The following CNTLN variants were observed in gnomAD, a reference collection of about 807,000 sequenced individuals.
CNTLN encodes the protein centlein, also known as centlein, centrosomal protein.
Under a neutral mutation model 180.0 loss-of-function variants are expected in CNTLN, and 212 were observed. The ratio of observed to expected loss-of-function variants is 1.18; its 90% confidence interval spans 1.05 to 1.32. The LOEUF (loss-of-function observed/expected upper bound fraction) is 1.32. CNTLN is among the 40% of genes most tolerant of loss of function. The pLI, the probability that CNTLN is intolerant of heterozygous loss-of-function variation, is 0.00. For missense variants in CNTLN, 2,095 were observed against 1,610.9 expected, an observed-to-expected ratio of 1.30 and a Z score of -5.14; for synonymous variants, 722 against 563.1, an observed-to-expected ratio of 1.28 and a Z score of -3.99.
chr9:17,197,461 T>G (rs1822207966), intron 2 of CNTLN, among the ~76,000 whole-genome samples: 1 of 152,178 alleles, frequency 6.6e-6, no homozygotes, highest in South Asian at 2.1e-4. Context: ...AGTGTGCAGT[T>G]TTGTTACATA....
intron 23 of CNTLN, among the ~76,000 whole-genome samples, chr9:17,476,336 A>C (rs1339436243): frequency 6.6e-6 from 1 of 152,184 alleles, no homozygotes; most frequent in African/African-American, 2.4e-5. Flanking sequence ...AGTTAGGCCA[A>C]CTAATAATTC....
At chr9:17,159,628 A>G (rs1400929386) in intron 2 of CNTLN, among the ~76,000 whole-genome samples, 1 of 152,150 alleles carries the variant, frequency 6.6e-6, no homozygotes, top group Non-Finnish European at 1.5e-5. Flanking sequence ...ACAGGATGAG[A>G]ATTGCTGATA....
chr9:17,250,444 T>C (rs916179652), intron 5 of CNTLN, among the ~76,000 whole-genome samples: 4 of 152,072 alleles, frequency 2.6e-5, no homozygotes, highest in African/African-American at 7.2e-5. Context: ...TCCTCTGTTA[T>C]TGCTTTCCTT....
chr9:17,204,278 T>C (rs1344099244), intron 2 of CNTLN, among the ~76,000 whole-genome samples: 2 of 152,234 alleles, frequency 1.3e-5, no homozygotes, highest in Non-Finnish European at 2.9e-5. Flanking sequence ...CCCTGTTTTT[T>C]CCTCATCTCC....
intron 10 of CNTLN, among the ~76,000 whole-genome samples, chr9:17,336,346 C>A (rs1444779513): frequency 1.3e-5 from 2 of 152,004 alleles, no homozygotes; most frequent in African/African-American, 4.8e-5. Context: ...TATTCTGGCG[C>A]CATTAAAATG....
At chr9:17,308,989 C>CACACACAG in intron 7 of CNTLN, 69 bp from the exon 8 acceptor site, 1 of 1,062,272 alleles carries the variant, frequency 9.4e-7, no homozygotes, top group Non-Finnish European at 1.3e-6. Context: ...TACACACACA[C>CACACACAG]ACACACAGAC....
rs116188260 is a variant in CNTLN at position 17,260,784 on chromosome 9, G to T, written c.850-12949G>T. On this transcript the variant is annotated intron_variant, in intron 5 of 25. Transcript: ENST00000380647. ...CAGTTCCTGTGTCCAGAATGGTATT[G>T]CCTAGGTGGTCTTCAAAGGTTTTTT... 5.3e-3 allele frequency among the ~76,000 whole-genome samples: 795 copies of T among 151,424 alleles called. 37 individuals are homozygous for T. Among genetic ancestry groups the T allele is most frequent in the African/African-American group, 0.018 (741 of 40,906 alleles).
rs540806664 is a variant in CNTLN at position 17,367,671 on chromosome 9, G to C, written c.1987+954G>C. On this transcript the variant is annotated intron_variant, in intron 13 of 25. Transcript: ENST00000380647. The stretch of plus-strand genomic sequence containing the variant: ...ACAGCAGCTCAGCCACAATAGGATA[G>C]GGCGCTAGTTAGATTTATGAGACCC... 2.0e-5 allele frequency among the ~76,000 whole-genome samples: 3 copies of C among 152,190 alleles called. No individual in the cohort carries two copies. In the South Asian group the frequency reaches 6.2e-4, roughly 32 times the overall value.
intron 3 of CNTLN, among the ~76,000 whole-genome samples, chr9:17,230,620 G>C (rs1399000199): frequency 6.6e-6 from 1 of 151,814 alleles, no homozygotes; most frequent in Admixed American, 6.6e-5. Flanking sequence ...ATGAGTCTGG[G>C]CTCTGGTAAA....
intron 1 of CNTLN, 117 bp downstream of exon 1, chr9:17,135,542 A>G (rs2131378477): frequency 1.5e-6 from 2 of 1,310,760 alleles, no homozygotes; most frequent in Non-Finnish European, 2.0e-6. Flanking sequence ...GCTCCCTGGC[A>G]GATGCACACC....
Position 17,366,664 on chromosome 9 carries a change from T to C in CNTLN, c.1934T>C (p.Ile645Thr), listed in dbSNP as rs1694663048. The change falls in exon 13 of 26, where the codon ATT (isoleucine) becomes ACT (threonine). Residue 645 changes from isoleucine to threonine, a missense_variant. Transcript: ENST00000380647. ...GATGAACTTAAAGTACATATATCTA[T>C]TGATAAGGCAGCAATACAAGAATTG... ...ELDELKVHISIDKAAIQELNR... is the reference protein window; with the variant it reads ...ELDELKVHISTDKAAIQELNR... 1 of 1,590,216 alleles carries C rather than the reference T, an allele frequency of 6.3e-7. No homozygotes were observed. The highest frequency in any genetic ancestry group is 8.6e-7 in the Non-Finnish European group (1 of 1,164,844).
chr9:17,235,509 G>A (rs1209079856), intron 3 of CNTLN, 149 bp from the exon 4 acceptor site: 2 of 606,532 alleles, frequency 3.3e-6, no homozygotes, highest in East Asian at 3.4e-5. Flanking sequence ...TCATGGGCAT[G>A]TTACAGGAGA....
intron 7 of CNTLN, among the ~76,000 whole-genome samples, chr9:17,302,613 G>A (rs936498787): frequency 1.4e-5 from 2 of 146,808 alleles, no homozygotes; most frequent in Admixed American, 6.8e-5. Flanking sequence ...ATCAGTAAAC[G>A]TTAAGTTACT....
intron 2 of CNTLN, among the ~76,000 whole-genome samples, chr9:17,185,961 T>C (rs1469848554): frequency 6.6e-6 from 1 of 152,022 alleles, no homozygotes; most frequent in Non-Finnish European, 1.5e-5. Flanking sequence ...CCTGGCTAAT[T>C]TTTAAATTTT....
chr9:17,299,620 A>T, intron 7 of CNTLN: 1 of 985,396 alleles, frequency 1.0e-6, no homozygotes, highest in African/African-American at 1.7e-5. Context: ...AAGCAGGAAG[A>T]TACAGTCTTC....
At position 17,302,052 on chromosome 9, in the gene CNTLN, T is replaced by C. The variant is rs1690186642; in HGVS notation, c.1146+3700T>C. 8 of 985,096 alleles carry C rather than the reference T, an allele frequency of 8.1e-6. No individual in the cohort carries two copies. In the South Asian group the frequency reaches 1.4e-4, roughly 17 times the overall value. The allele number at this position is 985,096 out of a possible 1,614,324, so 61.0% of individuals were successfully genotyped here. On this transcript the variant is annotated intron_variant, in intron 7 of 25. Coordinates refer to ENST00000380647, the MANE Select transcript of CNTLN (RefSeq NM_017738.4). Reference sequence around the variant, plus strand: ...AACATTTCTTTGTCAGTTCAGACTATTACTATTCATTATAGTGTACTGACT... The same window carrying C: ...AACATTTCTTTGTCAGTTCAGACTACTACTATTCATTATAGTGTACTGACT...
Position 17,278,035 on chromosome 9 carries a change from A to G in CNTLN, c.983+4169A>G, listed in dbSNP as rs185239706. Among the ~76,000 whole-genome samples, 214 of 152,260 alleles carry G rather than the reference A, an allele frequency of 1.4e-3. 2 individuals carry two copies. The highest frequency in any genetic ancestry group is 4.4e-3 in the African/African-American group (181 of 41,552). ...AGTATCCTGTGACGGAAGCTGCCCA[A>G]TAAGACCAATAACCTTAGACAGAGG... On this transcript the variant is annotated intron_variant, in intron 6 of 25. Coordinates refer to ENST00000380647, the MANE Select transcript of CNTLN (RefSeq NM_017738.4).
At chr9:17,450,188 G>A (rs1055898518) in intron 18 of CNTLN, among the ~76,000 whole-genome samples, 1 of 152,140 alleles carries the variant, frequency 6.6e-6, no homozygotes, top group Non-Finnish European at 1.5e-5. Context: ...AAACTGCTTT[G>A]TTAATTGTAA....
intron 2 of CNTLN, among the ~76,000 whole-genome samples, chr9:17,192,204 A>G (rs1177512037): frequency 1.3e-5 from 2 of 151,468 alleles, no homozygotes; most frequent in African/African-American, 2.4e-5. Context: ...ATATTGACTG[A>G]ATTCTTGCAG....
Sources: allele counts gnomAD v4.1 joint callset (sites outside exome capture counted in the v4.1 genomes callset), GRCh38; gene constraint gnomAD v4.1.1; transcripts MANE v1.5; gene names NCBI Gene and HGNC (gene_info 2026-07-23, HGNC 2026-07-21).